Variants in ZNF536 observed in about 807,000 individuals in gnomAD.
The protein encoded by ZNF536 is zinc finger protein 536.
In ZNF536, 13 loss-of-function variants were observed where a neutral mutation model predicts 84.5. That is an observed-to-expected ratio of 0.15 (90% CI 0.10 to 0.24). The LOEUF is 0.24. ZNF536 is among the 10% of genes least tolerant of loss of function. The pLI is 1.00. For missense variants in ZNF536, 1,536 were observed against 1,747.5 expected, an observed-to-expected ratio of 0.88 and a Z score of 2.16; for synonymous variants, 811 against 742.5, an observed-to-expected ratio of 1.09 and a Z score of -1.50.
At chr19:30,460,468 C>T (rs1446405643) in intron 2 of ZNF536, among the ~76,000 whole-genome samples, 1 of 152,136 alleles carries the variant, frequency 6.6e-6, no homozygotes, top group Non-Finnish European at 1.5e-5. Flanking sequence ...TTGGAGTCTG[C>T]ACATGGTGAC....
chr19:30,277,893 G>A (rs2045296572), intron 1 of ZNF536, among the ~76,000 whole-genome samples: 1 of 152,234 alleles, frequency 6.6e-6, no homozygotes, highest in South Asian at 2.1e-4. Flanking sequence ...CCGTTGGTAT[G>A]TCATGCCCTC....
chr19:30,370,334 G>T (rs937390816), upstream of ZNF536, among the ~76,000 whole-genome samples: 6 of 152,084 alleles, frequency 3.9e-5, no homozygotes, highest in Admixed American at 3.3e-4. Context: ...CCCAACTATT[G>T]TACCTGATGT....
At chr19:30,454,958 G>C (rs576928109) in intron 2 of ZNF536, among the ~76,000 whole-genome samples, 7 of 152,152 alleles carry the variant, frequency 4.6e-5, no homozygotes, top group African/African-American at 1.7e-4. Flanking sequence ...GCTTGAATCC[G>C]GGAGGAGGAG....
chr19:30,709,917 A>T (rs1408012685), intron 1 of ZNF536, among the ~76,000 whole-genome samples: 2 of 152,092 alleles, frequency 1.3e-5, no homozygotes, highest in Non-Finnish European at 2.9e-5. Context: ...GTGTCCAGCA[A>T]TTGTTTGTTT....
upstream of ZNF536, among the ~76,000 whole-genome samples, chr19:30,368,799 G>A (rs1328425795): frequency 6.6e-6 from 1 of 152,214 alleles, no homozygotes; most frequent in East Asian, 1.9e-4. Context: ...GTCCAAGGGA[G>A]GGGACTGGTG....
intron 1 of ZNF536, among the ~76,000 whole-genome samples, chr19:30,440,312 C>T (rs1342455151): frequency 6.6e-6 from 1 of 152,044 alleles, no homozygotes; most frequent in Non-Finnish European, 1.5e-5. Flanking sequence ...TCAGTGGTAG[C>T]CAGGGACCCT....
intron 1 of ZNF536, among the ~76,000 whole-genome samples, chr19:30,248,209 CT>C (rs1177519461): frequency 6.8e-6 from 1 of 147,448 alleles, no homozygotes; most frequent in African/African-American, 2.5e-5. Flanking sequence ...TTCTTTCTTT[CT>C]TTTTCTTTTC....
chr19:30,660,396 A>G (rs1475888467), intron 1 of ZNF536, among the ~76,000 whole-genome samples: 1 of 152,210 alleles, frequency 6.6e-6, no homozygotes, highest in Non-Finnish European at 1.5e-5. Context: ...CCCTGGTTCT[A>G]CATGGATCCC....
At chr19:30,496,713 T>A (rs2054734456) in intron 2 of ZNF536, among the ~76,000 whole-genome samples, 1 of 151,986 alleles carries the variant, frequency 6.6e-6, no homozygotes, top group African/African-American at 2.4e-5. Context: ...CTGGGCCTTC[T>A]CAATGCACTG....
upstream of ZNF536, among the ~76,000 whole-genome samples, chr19:30,371,120 G>A (rs2147024153): frequency 6.6e-6 from 1 of 152,330 alleles, no homozygotes; most frequent in Middle Eastern, 3.4e-3. Context: ...TCTGAATATG[G>A]CTGTTAAATT....
At chr19:30,538,435 CCT>C (rs1462759673) in intron 3 of ZNF536, among the ~76,000 whole-genome samples, 1 of 152,274 alleles carries the variant, frequency 6.6e-6, no homozygotes, top group East Asian at 1.9e-4. Flanking sequence ...ATGGATAAAA[CCT>C]CTCTCCTTTT....
intron 2 of ZNF536, among the ~76,000 whole-genome samples, chr19:30,329,055 G>T (rs541924503): frequency 3.3e-5 from 5 of 152,176 alleles, no homozygotes; most frequent in Non-Finnish European, 7.3e-5. Flanking sequence ...TTCTTTGAGG[G>T]GTTGCTTTGC....
rs898348889 is a variant in ZNF536 at position 30,474,897 on chromosome 19, C to A, written c.2170+29165C>A. Reference sequence around the variant, plus strand: ...CCCTCTTGTCCCCCAATGGTCTCAGCCTCCTGCTGTGCATTCTCCCCCCAC... The same window carrying A: ...CCCTCTTGTCCCCCAATGGTCTCAGACTCCTGCTGTGCATTCTCCCCCCAC... On this transcript the variant is annotated intron_variant, in intron 2 of 4. Transcript: ENST00000355537. Among the ~76,000 whole-genome samples, 8 of 150,972 alleles carry A rather than the reference C, an allele frequency of 5.3e-5. No homozygotes were observed. The East Asian group carries it at 1.6e-3, about 30-fold the overall frequency.
intron 1 of ZNF536, among the ~76,000 whole-genome samples, chr19:30,570,148 C>T (rs1429265144): frequency 2.0e-5 from 3 of 152,278 alleles, no homozygotes; most frequent in South Asian, 4.1e-4. Flanking sequence ...AGAACCAGGC[C>T]TCTCAGTGAA....
downstream of ZNF536, among the ~76,000 whole-genome samples, chr19:30,559,666 G>C (rs541159659): frequency 3.3e-5 from 5 of 152,306 alleles, no homozygotes; most frequent in African/African-American, 9.6e-5. Context: ...TAGATGGCAT[G>C]TGGGGGGCTG....
At chr19:30,263,762 C>A (rs951481757) in intron 1 of ZNF536, among the ~76,000 whole-genome samples, 1 of 151,916 alleles carries the variant, frequency 6.6e-6, no homozygotes. Context: ...TCAGACCCCG[C>A]GTTTCCATTG....
intron 3 of ZNF536, among the ~76,000 whole-genome samples, chr19:30,538,449 C>T (rs1288093489): frequency 2.0e-5 from 3 of 152,166 alleles, no homozygotes; most frequent in Non-Finnish European, 4.4e-5. Flanking sequence ...TCTCCTTTTT[C>T]TCCCCACTGC....
At chr19:30,601,599 G>A (rs1388464410) in intron 1 of ZNF536, among the ~76,000 whole-genome samples, 1 of 152,152 alleles carries the variant, frequency 6.6e-6, no homozygotes, top group Non-Finnish European at 1.5e-5. Flanking sequence ...CCTCAGATGG[G>A]CCCCTGACTC....
chr19:30,527,298 C>G (rs925536587), intron 2 of ZNF536, among the ~76,000 whole-genome samples: 1 of 137,164 alleles, frequency 7.3e-6, no homozygotes, highest in African/African-American at 2.7e-5. Context: ...CAGAAATCGT[C>G]TCTTGCCACC....
Sources: gnomAD v4.1 joint callset for allele counts (sites outside exome capture counted in the v4.1 genomes callset) on GRCh38, gnomAD v4.1.1 for gene constraint, MANE v1.5 for transcripts, NCBI Gene and HGNC (gene_info 2026-07-23, HGNC 2026-07-21) for gene names.